Variants in SYT3 observed in about 807,000 individuals in gnomAD.
The protein encoded by SYT3 is synaptotagmin-3.
In SYT3, 25 loss-of-function variants were observed where a neutral mutation model predicts 50.6. The observed-to-expected ratio is 0.49, with a 90% CI of 0.36 to 0.69. SYT3 has a LOEUF of 0.69. Among genes scored for constraint, SYT3 ranks in the 30% least tolerant of loss-of-function variants. The pLI, the probability that SYT3 is intolerant of heterozygous loss-of-function variation, is 0.00. For synonymous variants in SYT3, 323 were observed against 353.9 expected (o/e 0.91, Z 0.98); for missense variants, 589 against 793.6 (o/e 0.74, Z 3.10).
chr19:50,656,353 G>A, the SYT3 span: 35 of 1,532,658 alleles, frequency 2.3e-5, no homozygotes, highest in Non-Finnish European at 3.1e-5. Context: ...CTTGGTGAGT[G>A]GACCTGTGCC....
At chr19:50,649,719 C>A in the SYT3 span, 1 of 682,802 alleles carries the variant, frequency 1.5e-6, no homozygotes, top group Non-Finnish European at 2.7e-6. Flanking sequence ...GTTCCTTGGC[C>A]AATGCCCTGG....
the SYT3 span, among the ~76,000 whole-genome samples, chr19:50,655,366 C>T: frequency 6.6e-6 from 1 of 152,110 alleles, no homozygotes; most frequent in Admixed American, 6.6e-5. Context: ...AAACTGAAAA[C>T]TGGGCTGGGC....
At chr19:50,624,744 G>T (rs1983981500) in intron 9 of SYT3, 1 of 155,518 alleles carries the variant, frequency 6.4e-6, no homozygotes, top group Non-Finnish European at 1.4e-5. Context: ...TAGAGACAGG[G>T]TTTCTCCATG....
At position 50,632,248 on chromosome 19, in the gene SYT3, A is replaced by G; in HGVS notation, c.674+38T>C. The G allele has an allele frequency of 6.6e-7, 1 of 1,514,190 alleles. No homozygotes were observed. The allele number at this position is 1,514,190 out of a possible 1,614,324, so 93.8% of individuals were successfully genotyped here. A position where few individuals can be genotyped will look rare whatever the true frequency, so the allele number is the denominator to read the frequency against. ...GAAAGAGACACAGAGGAGGAGCAGA[A>G]GTTCAGAGTGGACCCCCAACCCAGT... On this transcript the variant is annotated intron_variant, in intron 4 of 10. Transcript: ENST00000600079. This position sits in a 1 kb window ranked among gnomAD's most constrained non-coding sequence, Gnocchi z 4.7.
the SYT3 span, among the ~76,000 whole-genome samples, chr19:50,652,216 G>GT: frequency 1.3e-5 from 2 of 152,098 alleles, no homozygotes; most frequent in Non-Finnish European, 2.9e-5. Flanking sequence ...TCTCAAAATT[G>GT]TATTTTTTTA....
chr19:50,625,746 CAGG>C lies in SYT3; in HGVS notation c.1402+148_1402+150del. On this transcript the variant is annotated intron_variant, in intron 7 of 10. Transcript: ENST00000600079. The surrounding 1 kb of genome is among the most constrained non-coding windows in gnomAD (Gnocchi z 7.5). ...TCCTCCTCTCTCCGACCCAGGAGTC[CAGG>C]CCCCTGGCCCCTCCTCCCTCAGACC... The C allele has an allele frequency of 1.3e-5, 13 of 1,037,984 alleles. No individual in the cohort carries two copies. Among genetic ancestry groups the C allele is most frequent in the South Asian group, 6.4e-5 (4 of 62,098 alleles). 64.3% of individuals were successfully genotyped at this position (1,037,984 alleles called of 1,614,324 possible).
At position 50,637,572 on chromosome 19, in the gene SYT3, G is replaced by T; in HGVS notation, c.-15-146C>A. The T allele has an allele frequency of 1.6e-6, 1 of 638,122 alleles. No homozygotes were observed. 39.5% of individuals were successfully genotyped at this position (638,122 alleles called of 1,614,324 possible). A position where few individuals can be genotyped will look rare whatever the true frequency, so the allele number is the denominator to read the frequency against. ...ACAGAGATTAGGGGCAGATGGATTA[G>T]GGATGGAGATTCGAGGAAGAAGGAC... On this transcript the variant is annotated intron_variant, in intron 2 of 10. Transcript: ENST00000600079. This position sits in a 1 kb window ranked among gnomAD's most constrained non-coding sequence, Gnocchi z 4.9.
chr19:50,622,558 C>T, intron 10 of SYT3, 77 bp from the exon 11 acceptor site: 2 of 732,618 alleles, frequency 2.7e-6, no homozygotes, highest in Admixed American at 4.2e-5. Flanking sequence ...TCCATCACCA[C>T]CCAGAGATCC....
In SYT3 at chr19:50,626,180, C is replaced by T; in HGVS notation, c.1282-163G>A. On this transcript the variant is annotated intron_variant, in intron 6 of 10. Coordinates refer to ENST00000600079, the MANE Select transcript of SYT3 (RefSeq NM_001160329.2). ...TCTTGGGACAAGGCCCAGTAATTCC[C>T]TGGCCACAGCTGCCCATGACCATCA... 3 of 1,070,698 alleles carry T rather than the reference C, an allele frequency of 2.8e-6. No homozygotes were observed. The South Asian group carries it at 5.0e-5, about 18-fold the overall frequency. 66.3% of individuals were successfully genotyped at this position (1,070,698 alleles called of 1,614,324 possible). A position where few individuals can be genotyped will look rare whatever the true frequency, so the allele number is the denominator to read the frequency against.
At chr19:50,646,322 T>G in the SYT3 span, among the ~76,000 whole-genome samples, 1 of 152,194 alleles carries the variant, frequency 6.6e-6, no homozygotes. Flanking sequence ...CATTTGATGC[T>G]GGTCTGTTTG....
the SYT3 span, among the ~76,000 whole-genome samples, chr19:50,645,132 C>T: frequency 5.3e-5 from 8 of 152,220 alleles, no homozygotes; most frequent in African/African-American, 1.9e-4. Flanking sequence ...TGGGGAGACA[C>T]ACCTTTTGGC....
Position 50,632,504 on chromosome 19 carries a change from C to T in SYT3, c.456G>A (p.Gly152=). Residue 152 remains glycine (G), a synonymous_variant, in exon 4 of 11, where the codon GGG becomes GGA. Transcript: ENST00000600079. This position sits in a 1 kb window ranked among gnomAD's most constrained non-coding sequence, Gnocchi z 4.7. ...FAELLEPGSL[G]GSDTPEPSYL... is the part of the protein sequence containing the mutation. ...AGGAGGGCTCAGGGGTGTCAGAACC[C>T]CCCAGGCTGCCTGGCTCCAGCAGCT... The T allele has an allele frequency of 6.2e-7, 1 of 1,611,376 alleles. No individual in the cohort carries two copies. The highest frequency in any genetic ancestry group is 1.1e-5 in the South Asian group (1 of 90,984).
the SYT3 span, among the ~76,000 whole-genome samples, chr19:50,653,675 A>G: frequency 1.5e-5 from 2 of 136,310 alleles, no homozygotes; most frequent in African/African-American, 5.5e-5. Flanking sequence ...TATTGTAATG[A>G]GAGACAGCAC....
the SYT3 span, chr19:50,649,427 C>G: frequency 6.5e-7 from 1 of 1,536,124 alleles, no homozygotes; most frequent in Admixed American, 2.0e-5. Context: ...TGAGACATCC[C>G]TCACCCACCT....
the SYT3 span, among the ~76,000 whole-genome samples, chr19:50,646,714 T>C: frequency 2.4e-4 from 36 of 151,836 alleles, 1 homozygote; most frequent in Admixed American, 6.6e-5. Flanking sequence ...ATGAGGGCAT[T>C]TGGGGACATG....
chr19:50,627,431 T>C (rs1984114487), intron 6 of SYT3, among the ~76,000 whole-genome samples: 1 of 151,804 alleles, frequency 6.6e-6, no homozygotes. Context: ...GTTGAAGAAA[T>C]GAATGAAGGC....
the SYT3 span, among the ~76,000 whole-genome samples, chr19:50,647,434 C>A: frequency 6.6e-6 from 1 of 151,892 alleles, no homozygotes; most frequent in African/African-American, 2.4e-5. Flanking sequence ...ACCTGTAATC[C>A]CAGCACTTTG....
chr19:50,646,880 G>C, the SYT3 span, among the ~76,000 whole-genome samples: 1 of 152,008 alleles, frequency 6.6e-6, no homozygotes, highest in African/African-American at 2.4e-5. Flanking sequence ...GCCCAGGCTG[G>C]AGTGCAGTGG....
At chr19:50,631,109 T>C (rs1984285700) in intron 4 of SYT3, among the ~76,000 whole-genome samples, 1 of 152,004 alleles carries the variant, frequency 6.6e-6, no homozygotes, top group Non-Finnish European at 1.5e-5. Flanking sequence ...CAAAGCCCCA[T>C]GTGGTCTGGT....
Sources: allele counts gnomAD v4.1 joint callset (sites outside exome capture counted in the v4.1 genomes callset), GRCh38; gene constraint gnomAD v4.1.1; non-coding constraint Gnocchi (gnomAD v3.1); transcripts MANE v1.5; gene names NCBI Gene and HGNC (gene_info 2026-07-23, HGNC 2026-07-21).